The following P4HB variants were observed in gnomAD, a reference collection of about 807,000 sequenced individuals.
P4HB encodes the protein prolyl 4-hydroxylase subunit beta.
Under a neutral mutation model 52.6 loss-of-function variants are expected in P4HB, and 20 were observed. The observed-to-expected ratio is 0.38, with a 90% confidence interval of 0.27 to 0.55. P4HB has a LOEUF of 0.55. Among genes scored for constraint, P4HB ranks in the 20% least tolerant of loss-of-function variants. The probability of loss-of-function intolerance (pLI) is 0.74; values close to 1 mark genes in which losing one functional copy is unlikely to be tolerated. For missense variants in P4HB, 601 were observed against 669.2 expected (o/e 0.90, Z 1.12); for synonymous variants, 296 against 277.9 (o/e 1.07, Z -0.65).
rs1198353228 is a variant in P4HB, at chr17:81,843,408, C to G, written c.*604G>C. The G allele has an allele frequency of 5.0e-6, 2 of 399,908 alleles. No homozygotes were observed. The highest frequency in any genetic ancestry group is 8.8e-6 in the Non-Finnish European group (2 of 227,334). 24.8% of individuals were successfully genotyped at this position (399,908 alleles called of 1,614,324 possible). A position where few individuals can be genotyped will look rare whatever the true frequency, so the allele number is the denominator to read the frequency against. On this transcript the variant is annotated 3_prime_UTR_variant, in exon 11 of 11. Transcript: ENST00000331483. ...GGAAGGGGAAGGCCCAGGCCTGTGCCGGGCCCCAGGGCTGGCAGCCACCAG... is the reference window on the plus strand; with the variant it reads ...GGAAGGGGAAGGCCCAGGCCTGTGCGGGGCCCCAGGGCTGGCAGCCACCAG...
chr17:81,845,444 A>T, intron 9 of P4HB, 117 bp downstream of exon 9: 1 of 1,067,318 alleles, frequency 9.4e-7, no homozygotes, highest in Non-Finnish European at 1.3e-6. Flanking sequence ...AGGAGCTCCC[A>T]CAGCTCTTCT....
chr17:81,848,499 G>A (rs1043808163), intron 4 of P4HB, among the ~76,000 whole-genome samples: 1 of 152,172 alleles, frequency 6.6e-6, no homozygotes, highest in African/African-American at 2.4e-5. Context: ...ACTTTGGGAG[G>A]CCAAGATGGG....
At position 81,846,625 on chromosome 17, in the gene P4HB, A is replaced by G; in HGVS notation, c.860T>C (p.Leu287Pro). 6.2e-7 allele frequency: 1 copy of G among 1,613,668 alleles called. No individual in the cohort carries two copies. Among genetic ancestry groups the G allele is most frequent in the Non-Finnish European group, 8.5e-7 (1 of 1,179,980 alleles). ...GTGGTCGCTGTCGATGAAGATGAAC[A>G]GGATCTGGGGGAGAAAAGGAGGTTG... ...TAAESFKGKI[L>P]FIFIDSDHTD... Residue 287 changes from leucine to proline, a missense_variant, in exon 7 of 11, where the codon CTG (leucine) becomes CCG (proline). Leu to Pro is a moderately conservative substitution (Grantham distance 98, BLOSUM62 -3). Transcript: ENST00000331483. This position sits in a 1 kb window ranked among gnomAD's most constrained non-coding sequence, Gnocchi z 5.7.
At chr17:81,859,105 C>G in intron 2 of P4HB, 76 bp downstream of exon 2, 1 of 1,390,330 alleles carries the variant, frequency 7.2e-7, no homozygotes, top group Non-Finnish European at 1.0e-6. Flanking sequence ...ACCGCTCAGA[C>G]AGCTGCCCCT....
chr17:81,847,670 A>C (rs1023629491), intron 4 of P4HB: 3 of 377,140 alleles, frequency 8.0e-6, no homozygotes, highest in Non-Finnish European at 1.5e-5. Context: ...CCATGTGGTC[A>C]AAGCTATTTT....
chr17:81,847,688 A>G, intron 4 of P4HB: 1 of 314,950 alleles, frequency 3.2e-6, no homozygotes, highest in South Asian at 3.6e-5. Context: ...TTTCTTTTTT[A>G]TTTGTTTTTG....
At chr17:81,857,021 A>C (rs1016101750) in intron 2 of P4HB, among the ~76,000 whole-genome samples, 10 of 151,786 alleles carry the variant, frequency 6.6e-5, no homozygotes, top group African/African-American at 2.4e-4. Flanking sequence ...GGGATTAAGC[A>C]GTCCGCCCAC....
rs1288670034 is a variant in P4HB, at chr17:81,855,712, T to A, written c.353-126A>T. 17 of 1,131,728 alleles carry A rather than the reference T, an allele frequency of 1.5e-5. No homozygotes were observed. The highest frequency in any genetic ancestry group is 2.1e-5 in the Non-Finnish European group (17 of 813,318). 70.1% of individuals were successfully genotyped at this position (1,131,728 alleles called of 1,614,324 possible). A position where few individuals can be genotyped will look rare whatever the true frequency, so the allele number is the denominator to read the frequency against. On this transcript the variant is annotated intron_variant, in intron 2 of 10. Coordinates refer to ENST00000331483, the MANE Select transcript of P4HB (RefSeq NM_000918.4). The surrounding 1 kb of genome is among the most constrained non-coding windows in gnomAD (Gnocchi z 4.3). The stretch of plus-strand genomic sequence containing the variant: ...ACCTGAATCAACCTAAGTAAGATGT[T>A]CTCCCACCATGGAAGAGGCCCGGTG...
chr17:81,843,995 G>A lies in P4HB; in HGVS notation c.*17C>T, dbSNP rs200613922. 64 of 1,598,224 alleles carry A rather than the reference G, an allele frequency of 4.0e-5. No homozygotes were observed. Among genetic ancestry groups the A allele is most frequent in the South Asian group, 1.1e-4 (10 of 90,742 alleles). On this transcript the variant is annotated 3_prime_UTR_variant, in exon 11 of 11. Transcript: ENST00000331483. Reference sequence around the variant, plus strand: ...CCCCCGAGGGGTCTCGGCAGCGCCCGGGTCTGGCTTTGCGTATTACAGTTC... The same window carrying A: ...CCCCCGAGGGGTCTCGGCAGCGCCCAGGTCTGGCTTTGCGTATTACAGTTC...
Position 81,845,895 on chromosome 17 carries a change from T to C in P4HB, c.1153A>G (p.Lys385Glu), listed in dbSNP as rs761976262. Reference sequence around the variant, plus strand: ...CAGAACTCCACAAAGACGTTTTTTTTCTCATCAAAAGCCACGTCTTCAAAG... The same window carrying C: ...CAGAACTCCACAAAGACGTTTTTTTCCTCATCAAAAGCCACGTCTTCAAAG... ...KNFEDVAFDE[K>E]KNVFVEFYAP... The change falls in exon 8 of 11, where the codon AAA becomes GAA. Residue 385 changes from lysine to glutamate, a missense_variant. Lys to Glu is a moderately conservative substitution (Grantham distance 56). Coordinates refer to ENST00000331483, the MANE Select transcript of P4HB (RefSeq NM_000918.4). The C allele has an allele frequency of 7.0e-5, 113 of 1,613,888 alleles. No homozygotes were observed. Among genetic ancestry groups the C allele is most frequent in the Middle Eastern group, 3.3e-4 (2 of 6,060 alleles).
At position 81,859,271 on chromosome 17, in the gene P4HB, A is replaced by T; in HGVS notation, c.262T>A (p.Ser88Thr). 6.2e-7 allele frequency: 1 copy of T among 1,613,040 alleles called. No individual in the cohort carries two copies. Among genetic ancestry groups the T allele is most frequent in the East Asian group, 2.2e-5 (1 of 44,850 alleles). Residue 88 changes from serine to threonine, a missense_variant, in exon 2 of 11, where the codon TCT becomes ACT. By Grantham distance (58) the Ser-to-Thr change is moderately conservative (BLOSUM62 1). Transcript: ENST00000331483. ...RLAKVDATEE[S>T]DLAQQYGVRG... is the part of the protein sequence containing the mutation. ...ACGCCGTACTGCTGGGCCAGGTCAG[A>T]CTCCTCCGTGGCGTCCACCTTGGCC...
chr17:81,856,750 A>T (rs1028425976), intron 2 of P4HB, among the ~76,000 whole-genome samples: 1 of 151,180 alleles, frequency 6.6e-6, no homozygotes, highest in Non-Finnish European at 1.5e-5. Flanking sequence ...CCCAGGTTCA[A>T]GTGATTCTCC....
Position 81,846,746 on chromosome 17 carries a change from G to C in P4HB, c.856-117C>G. On this transcript the variant is annotated intron_variant, in intron 6 of 10. Transcript: ENST00000331483. The surrounding 1 kb of genome is among the most constrained non-coding windows in gnomAD (Gnocchi z 5.7). Reference sequence around the variant, plus strand: ...GCCTTTTTCCTCCAACCTGGATTCCGGGGTTGCCCAACCAGACCAGCAGGT... The same window carrying C: ...GCCTTTTTCCTCCAACCTGGATTCCCGGGTTGCCCAACCAGACCAGCAGGT... 1 of 1,263,318 alleles carries C rather than the reference G, an allele frequency of 7.9e-7. No homozygotes were observed. Among genetic ancestry groups the C allele is most frequent in the Non-Finnish European group, 1.1e-6 (1 of 893,000 alleles). The allele number at this position is 1,263,318 out of a possible 1,614,324, so 78.3% of individuals were successfully genotyped here. A position where few individuals can be genotyped will look rare whatever the true frequency, so the allele number is the denominator to read the frequency against.
intron 4 of P4HB, among the ~76,000 whole-genome samples, chr17:81,850,590 T>G (rs982656061): frequency 6.6e-6 from 1 of 152,044 alleles, no homozygotes; most frequent in Admixed American, 6.6e-5. Flanking sequence ...TTCAAGTAAT[T>G]CTCCTGCCTC....
rs2038742824 is a variant in P4HB at position 81,846,827 on chromosome 17, G to C, written c.855+120C>G. The C allele has an allele frequency of 7.3e-7, 1 of 1,365,612 alleles. No homozygotes were observed. The highest frequency in any genetic ancestry group is 1.0e-6 in the Non-Finnish European group (1 of 978,800). The allele number at this position is 1,365,612 out of a possible 1,614,324, so 84.6% of individuals were successfully genotyped here. On this transcript the variant is annotated intron_variant, in intron 6 of 10. Coordinates refer to ENST00000331483, the MANE Select transcript of P4HB (RefSeq NM_000918.4). The surrounding 1 kb of genome is among the most constrained non-coding windows in gnomAD (Gnocchi z 5.7). Reference sequence around the variant, plus strand: ...CCCTCGCCTACATCCAGGCTGTCCTGAATCAGGTGCCCGATCCAGTCCAGC... The same window carrying C: ...CCCTCGCCTACATCCAGGCTGTCCTCAATCAGGTGCCCGATCCAGTCCAGC...
rs1415125229 is a variant in P4HB at position 81,859,381 on chromosome 17, G to A, written c.152C>T (p.Pro51Leu). The A allele has an allele frequency of 3.7e-6, 6 of 1,612,492 alleles. No homozygotes were observed. Among genetic ancestry groups the A allele is most frequent in the Non-Finnish European group, 5.1e-6 (6 of 1,179,060 alleles). Residue 51 changes from proline (P) to leucine (L), a missense_variant, in exon 2 of 11, where the codon CCT becomes CTT. Transcript: ENST00000331483. ...CAGAGCCTTGCAGTGGCCACACCAA[G>A]GGGCATCTGGAAGCGGAAATGAGAT... ...HKYLLVEFYAPWCGHCKALAP... is the reference protein window; with the variant it reads ...HKYLLVEFYALWCGHCKALAP...
intron 4 of P4HB, 193 bp from the exon 5 acceptor site, chr17:81,847,540 T>C (rs573902177): frequency 2.3e-5 from 14 of 601,902 alleles, no homozygotes; most frequent in Non-Finnish European, 3.9e-5. Flanking sequence ...GTCACGGCCT[T>C]ATGGCTGCCC....
chr17:81,858,557 T>C (rs573517776), intron 2 of P4HB, among the ~76,000 whole-genome samples: 17 of 152,260 alleles, frequency 1.1e-4, no homozygotes, highest in Non-Finnish European at 2.4e-4. Context: ...CCACCGTCAC[T>C]GATCTGGCTA....
Position 81,846,885 on chromosome 17 carries a change from C to A in P4HB, c.855+62G>T. On this transcript the variant is annotated intron_variant, in intron 6 of 10. Transcript: ENST00000331483. The surrounding 1 kb of genome is among the most constrained non-coding windows in gnomAD (Gnocchi z 5.7). Reference sequence around the variant, plus strand: ...CTCAGGAAGGCCCCACACTTGTCACCTCGGGAAGAGTTGTACTGCTCCCTG... The same window carrying A: ...CTCAGGAAGGCCCCACACTTGTCACATCGGGAAGAGTTGTACTGCTCCCTG... 6.2e-7 allele frequency: 1 copy of A among 1,602,732 alleles called. No individual in the cohort carries two copies. The highest frequency in any genetic ancestry group is 1.7e-5 in the Admixed American group (1 of 59,710).
Sources: allele counts gnomAD v4.1 joint callset (sites outside exome capture counted in the v4.1 genomes callset), GRCh38; gene constraint gnomAD v4.1.1; non-coding constraint Gnocchi (gnomAD v3.1); transcripts MANE v1.5; gene names NCBI Gene and HGNC (gene_info 2026-07-23, HGNC 2026-07-21).